The following PAK3 variants were observed in gnomAD, a reference collection of about 807,000 sequenced individuals.
PAK3 encodes the protein serine/threonine-protein kinase PAK 3.
Under a neutral mutation model 41.0 loss-of-function variants are expected in PAK3, and 4 were observed. That is an observed-to-expected ratio of 0.10 (90% CI 0.05 to 0.22). The LOEUF is 0.22. Among genes scored for constraint, PAK3 ranks in the 10% least tolerant of loss-of-function variants. The pLI, the probability that PAK3 is intolerant of heterozygous loss-of-function variation, is 1.00. For missense variants in PAK3, 205 were observed against 409.9 expected (o/e 0.50, Z 4.32); for synonymous variants, 146 against 139.6 (o/e 1.05, Z -0.32).
At position 111,207,180 on chromosome X, in the gene PAK3, A is replaced by C. The variant is rs190582776; in HGVS notation, c.1408-9241A>C. ...CATATTTACATATATATGTGTGTATATATATACGTATATGTGTGTATATAT... is the reference window on the plus strand; with the variant it reads ...CATATTTACATATATATGTGTGTATCTATATACGTATATGTGTGTATATAT... On this transcript the variant is annotated intron_variant, in intron 16 of 17. Transcript: ENST00000372007. 3.8e-3 allele frequency among the ~76,000 whole-genome samples: 414 copies of C among 108,374 alleles called. 3 individuals are homozygous for C. The highest frequency in any genetic ancestry group is 0.013 in the African/African-American group (385 of 29,674). 94.1% of individuals were successfully genotyped at this position (108,374 alleles called of 115,157 possible). A position where few individuals can be genotyped will look rare whatever the true frequency, so the allele number is the denominator to read the frequency against.
At chrX:111,035,057 GATTGCACCACTGT>G (rs1208283561) in intron 1 of PAK3, among the ~76,000 whole-genome samples, 1 of 86,469 alleles carries the variant, frequency 1.2e-5, no homozygotes, top group African/African-American at 4.6e-5. Flanking sequence ...AGTGAGCCGA[GATTGCACCACTGT>G]ACTCCAGCCT....
chrX:111,038,522 G>A (rs899950936), intron 1 of PAK3, among the ~76,000 whole-genome samples: 1 of 111,804 alleles, frequency 8.9e-6, no homozygotes, highest in African/African-American at 3.3e-5. Context: ...AGGAAGAGTA[G>A]GTACTAAGGT....
At position 111,106,022 on chromosome X, in the gene PAK3, C is replaced by A. The variant is rs1223683241; in HGVS notation, c.-28+2716C>A. Among the ~76,000 whole-genome samples the A allele has an allele frequency of 2.7e-5, 3 of 111,683 alleles. No homozygotes were observed. The Admixed American group carries it at 2.8e-4, about 11-fold the overall frequency. On this transcript the variant is annotated intron_variant, in intron 4 of 17. Transcript: ENST00000372007. ...TATTCACTCACTTTCACATTCACGACTGTACACTCAAAATTATACACGCCC... is the reference window on the plus strand; with the variant it reads ...TATTCACTCACTTTCACATTCACGAATGTACACTCAAAATTATACACGCCC...
chrX:111,168,722 C>A (rs994600119), intron 10 of PAK3, among the ~76,000 whole-genome samples: 1 of 111,618 alleles, frequency 9.0e-6, no homozygotes, highest in Non-Finnish European at 1.9e-5. Context: ...TGAACCCCAC[C>A]ATTTGGAATG....
At chrX:111,119,619 AG>A (rs1302066734) in intron 4 of PAK3, among the ~76,000 whole-genome samples, 7 of 112,546 alleles carry the variant, frequency 6.2e-5, no homozygotes, top group Non-Finnish European at 9.4e-5. Flanking sequence ...ATGACATCAT[AG>A]GCAGATTGAA....
intron 1 of PAK3, among the ~76,000 whole-genome samples, chrX:110,966,329 C>A (rs1485331927): frequency 1.8e-5 from 2 of 110,854 alleles, no homozygotes; most frequent in Non-Finnish European, 3.8e-5. Context: ...CACCAAACCA[C>A]CTCCTCTTAA....
intron 1 of PAK3, among the ~76,000 whole-genome samples, chrX:110,982,297 A>T (rs1412795834): frequency 1.8e-5 from 2 of 112,153 alleles, no homozygotes; most frequent in Non-Finnish European, 3.8e-5. Context: ...CACTGAAGAC[A>T]GACAGATCTA....
intron 1 of PAK3, among the ~76,000 whole-genome samples, chrX:111,089,082 A>T (rs920689414): frequency 1.8e-5 from 2 of 112,267 alleles, no homozygotes; most frequent in Non-Finnish European, 3.8e-5. Flanking sequence ...GGAAAAATGT[A>T]TGTAAAAACC....
intron 5 of PAK3, among the ~76,000 whole-genome samples, chrX:111,131,379 C>T (rs148935887): frequency 0.022 from 2,425 of 111,194 alleles, 64 homozygotes; most frequent in African/African-American, 0.071. Context: ...AATATGTATT[C>T]GCCCAAGATG....
At chrX:111,149,025 T>C (rs1025662491) in intron 7 of PAK3, among the ~76,000 whole-genome samples, 4 of 111,832 alleles carry the variant, frequency 3.6e-5, no homozygotes, top group Non-Finnish European at 7.5e-5. Context: ...ACTTCCTAGA[T>C]ACAATAGAGG....
chrX:111,059,121 CTTTTT>C (rs386417402), intron 1 of PAK3, among the ~76,000 whole-genome samples: 14 of 61,006 alleles, frequency 2.3e-4, no homozygotes, highest in Middle Eastern at 0.037. Flanking sequence ...TCAACTTTTC[CTTTTT>C]TTTTTTTTTT....
intron 1 of PAK3, among the ~76,000 whole-genome samples, chrX:111,076,051 C>A (rs749951247): frequency 8.9e-6 from 1 of 112,274 alleles, no homozygotes; most frequent in Admixed American, 9.4e-5. Context: ...CGCCATTGTA[C>A]CTTGGGAGTG....
intron 1 of PAK3, among the ~76,000 whole-genome samples, chrX:111,077,139 T>C (rs2092792745): frequency 9.0e-6 from 1 of 111,380 alleles, no homozygotes; most frequent in Non-Finnish European, 1.9e-5. Flanking sequence ...CTATAAAATA[T>C]TGATGAAAGA....
intron 1 of PAK3, among the ~76,000 whole-genome samples, chrX:110,971,083 A>G (rs771796051): frequency 8.9e-6 from 1 of 112,528 alleles, no homozygotes; most frequent in South Asian, 3.7e-4. Flanking sequence ...GTTTTTAAAA[A>G]TCAGCTTGAG....
chrX:111,187,522 G>C (rs147794559), intron 11 of PAK3, among the ~76,000 whole-genome samples: 1 of 111,440 alleles, frequency 9.0e-6, no homozygotes, highest in African/African-American at 3.3e-5. Context: ...AACCAGGGGA[G>C]GTTTGAATGA....
intron 11 of PAK3, among the ~76,000 whole-genome samples, chrX:111,179,015 A>ATC (rs1299465090): frequency 9.7e-6 from 1 of 103,148 alleles, no homozygotes; most frequent in Non-Finnish European, 1.9e-5. Flanking sequence ...ATATATCTAT[A>ATC]TATATATATA....
chrX:111,059,448 A>T (rs2092636487), intron 1 of PAK3, among the ~76,000 whole-genome samples: 1 of 111,683 alleles, frequency 9.0e-6, no homozygotes, highest in Non-Finnish European at 1.9e-5. Flanking sequence ...CTGGGATTAC[A>T]GGCATGAGCC....
chrX:111,179,884 G>A (rs1207785609), intron 11 of PAK3, among the ~76,000 whole-genome samples: 1 of 110,874 alleles, frequency 9.0e-6, no homozygotes, highest in African/African-American at 3.3e-5. Flanking sequence ...TCAGCCTCTC[G>A]AGTAACTGGG....
At chrX:111,123,970 A>G (rs1178758864) in intron 5 of PAK3, among the ~76,000 whole-genome samples, 3 of 112,101 alleles carry the variant, frequency 2.7e-5, no homozygotes, top group African/African-American at 9.7e-5. Context: ...ATTAATTAGC[A>G]TAAAGCTGAA....
Sources: gnomAD v4.1 joint callset for allele counts (sites outside exome capture counted in the v4.1 genomes callset) on GRCh38, gnomAD v4.1.1 for gene constraint, MANE v1.5 for transcripts, NCBI Gene and HGNC (gene_info 2026-07-23, HGNC 2026-07-21) for gene names.